The following SLC20A2 variants were observed in gnomAD, a reference collection of about 807,000 sequenced individuals.
The protein encoded by SLC20A2 is solute carrier family 20 member 2, also known as sodium-dependent phosphate transporter 2.
SLC20A2 carries 30 observed loss-of-function variants against 61.0 expected under a neutral mutation model. The ratio of observed to expected loss-of-function variants is 0.49; its 90% CI spans 0.37 to 0.67. The LOEUF (loss-of-function observed/expected upper bound fraction) is 0.67, where lower values mean the gene tolerates loss of function less well. Among genes scored for constraint, SLC20A2 ranks in the 30% least tolerant of loss-of-function variants. The pLI, the probability that SLC20A2 is intolerant of heterozygous loss-of-function variation, is 0.00. For missense variants in SLC20A2, 626 were observed against 866.4 expected (o/e 0.72, Z 3.48); for synonymous variants, 351 against 353.3 (o/e 0.99, Z 0.07).
At chr8:42,421,068 C>G (rs548182699) in intron 10 of SLC20A2, among the ~76,000 whole-genome samples, 28 of 152,346 alleles carry the variant, frequency 1.8e-4, no homozygotes, top group African/African-American at 6.5e-4. Flanking sequence ...GGAGAAGTGA[C>G]TTCATTACAA....
upstream of SLC20A2, among the ~76,000 whole-genome samples, chr8:42,504,114 AT>A (rs56978638): frequency 1.1e-4 from 16 of 152,012 alleles, no homozygotes; most frequent in African/African-American, 3.1e-4. Context: ...TAATTTTAAA[AT>A]TTTTTTGTAG....
intron 1 of SLC20A2, among the ~76,000 whole-genome samples, chr8:42,496,779 G>A (rs1272779117): frequency 6.6e-6 from 1 of 152,202 alleles, no homozygotes; most frequent in East Asian, 1.9e-4. Flanking sequence ...CTAGGGTGTA[G>A]TGGGTAGGGT....
intron 1 of SLC20A2, among the ~76,000 whole-genome samples, chr8:42,533,820 G>C (rs137985115): frequency 2.1e-4 from 31 of 151,040 alleles, no homozygotes; most frequent in African/African-American, 5.3e-4. Context: ...CACCATGCCC[G>C]GCTAATTTTT....
chr8:42,498,610 G>A (rs1193875653), intron 1 of SLC20A2, among the ~76,000 whole-genome samples: 4 of 152,170 alleles, frequency 2.6e-5, no homozygotes, highest in East Asian at 1.9e-4. Context: ...CCGTATGCCC[G>A]AGAAATCAGC....
chr8:42,418,615 T>C (rs931168312), intron 10 of SLC20A2, among the ~76,000 whole-genome samples: 2 of 152,084 alleles, frequency 1.3e-5, no homozygotes, highest in Non-Finnish European at 2.9e-5. Context: ...CTCAAACTCC[T>C]GGCCTCAAGT....
chr8:42,497,917 CT>C (rs1810048733), intron 1 of SLC20A2, among the ~76,000 whole-genome samples: 1 of 152,146 alleles, frequency 6.6e-6, no homozygotes, highest in Non-Finnish European at 1.5e-5. Flanking sequence ...TCATGTGCTT[CT>C]AACTCCTTTA....
At chr8:42,464,090 A>ATATTTTTTTT (rs1563488008) in intron 3 of SLC20A2, among the ~76,000 whole-genome samples, 1 of 19,996 alleles carries the variant, frequency 5.0e-5, no homozygotes, top group Non-Finnish European at 1.3e-4. Context: ...AGGCTGGATG[A>ATATTTTTTTT]TCTTTTTTTT....
intron 5 of SLC20A2, among the ~76,000 whole-genome samples, chr8:42,458,943 C>T (rs977311999): frequency 1.5e-5 from 2 of 131,776 alleles, no homozygotes; most frequent in African/African-American, 5.7e-5. Context: ...ATTTTTAACC[C>T]CCCCCCCCAC....
intron 1 of SLC20A2, among the ~76,000 whole-genome samples, chr8:42,477,139 T>C (rs1808179504): frequency 6.6e-6 from 1 of 152,232 alleles, no homozygotes; most frequent in South Asian, 2.1e-4. Context: ...CAACACGCTT[T>C]TTGAATTGCG....
chr8:42,487,322 C>T (rs532593334), intron 1 of SLC20A2, among the ~76,000 whole-genome samples: 16 of 151,874 alleles, frequency 1.1e-4, no homozygotes, highest in African/African-American at 7.2e-5. Flanking sequence ...GGACTACTGG[C>T]GCCCGCGACC....
intron 1 of SLC20A2, among the ~76,000 whole-genome samples, chr8:42,526,041 T>C (rs1811912103): frequency 1.3e-5 from 2 of 152,168 alleles, no homozygotes; most frequent in Admixed American, 6.5e-5. Context: ...TAGGCATAAC[T>C]TCCCACTCCT....
chr8:42,484,745 C>A (rs1232007736), intron 1 of SLC20A2: 2 of 353,224 alleles, frequency 5.7e-6, no homozygotes, highest in East Asian at 1.5e-4. Context: ...TCCAAGAGAG[C>A]CTGACTTGGG....
intron 1 of SLC20A2, among the ~76,000 whole-genome samples, chr8:42,492,684 C>G (rs1244415675): frequency 6.6e-6 from 1 of 151,790 alleles, no homozygotes; most frequent in East Asian, 1.9e-4. Flanking sequence ...TATCAAGGCA[C>G]TTGGTTTTCT....
At chr8:42,428,934 T>C in intron 9 of SLC20A2, 92 bp from the exon 10 acceptor site, 1 of 1,007,020 alleles carries the variant, frequency 9.9e-7, no homozygotes, top group Non-Finnish European at 1.4e-6. Flanking sequence ...GAACATTCTC[T>C]GGGGTGACTG....
At chr8:42,487,645 T>C (rs1263701195) in intron 1 of SLC20A2, among the ~76,000 whole-genome samples, 1 of 152,244 alleles carries the variant, frequency 6.6e-6, no homozygotes. Flanking sequence ...AACTCTAATT[T>C]ACTGCGAAGC....
intron 5 of SLC20A2, among the ~76,000 whole-genome samples, chr8:42,448,380 G>A (rs1805393091): frequency 6.6e-6 from 1 of 152,148 alleles, no homozygotes; most frequent in South Asian, 2.1e-4. Context: ...TACCATTCAT[G>A]CTGAGCAGGG....
chr8:42,447,741 C>CTA (rs1252269756), intron 5 of SLC20A2, among the ~76,000 whole-genome samples: 1 of 152,132 alleles, frequency 6.6e-6, no homozygotes, highest in African/African-American at 2.4e-5. Context: ...GTAGTTAATA[C>CTA]TATATATAGT....
At chr8:42,527,795 A>C (rs1309845454) in intron 1 of SLC20A2, among the ~76,000 whole-genome samples, 3 of 152,166 alleles carry the variant, frequency 2.0e-5, no homozygotes, top group Non-Finnish European at 4.4e-5. Context: ...TAAAGGAAAA[A>C]ATTTTGAATG....
chr8:42,433,121 T>C (rs1024349319), intron 8 of SLC20A2, among the ~76,000 whole-genome samples: 10 of 152,226 alleles, frequency 6.6e-5, no homozygotes, highest in Admixed American at 4.6e-4. Flanking sequence ...GTAATCATTC[T>C]TATTTATAGT....
Sources: allele counts gnomAD v4.1 joint callset (sites outside exome capture counted in the v4.1 genomes callset), GRCh38; gene constraint gnomAD v4.1.1; transcripts MANE v1.5; gene names NCBI Gene and HGNC (gene_info 2026-07-23, HGNC 2026-07-21).